PECR: variants seen among roughly 807,000 people sequenced by gnomAD.
The protein encoded by PECR is 2,4-dienoyl-CoA reductase-related protein.
PECR carries 30 observed loss-of-function variants against 35.3 expected under a neutral mutation model. That is an observed-to-expected ratio of 0.85 (90% CI 0.64 to 1.15). The LOEUF (loss-of-function observed/expected upper bound fraction) is 1.15, where lower values mean the gene tolerates loss of function less well. Ranked by LOEUF, PECR falls within the 50% of genes most tolerant of loss-of-function variation. The probability of loss-of-function intolerance (pLI) is 0.00; values close to 1 mark genes in which losing one functional copy is unlikely to be tolerated. For missense variants in PECR, 392 were observed against 370.8 expected, an observed-to-expected ratio of 1.06 and a Z score of -0.47; for synonymous variants, 148 against 138.9, an observed-to-expected ratio of 1.07 and a Z score of -0.46.
chr2:216,072,090 G>GT (rs1695601027), intron 1 of PECR, among the ~76,000 whole-genome samples: 3 of 152,168 alleles, frequency 2.0e-5, no homozygotes, highest in Admixed American at 2.0e-4. Flanking sequence ...GATTGCAGTG[G>GT]TTTTTCAGTG....
At chr2:216,032,325 ATTTG>A (rs1016952964) in intron 7 of PECR, among the ~76,000 whole-genome samples, 15 of 152,196 alleles carry the variant, frequency 9.9e-5, no homozygotes, top group African/African-American at 2.9e-4. Flanking sequence ...TACTTTGCTG[ATTTG>A]TTTGAGTTTT....
downstream of PECR, among the ~76,000 whole-genome samples, chr2:216,036,826 T>C (rs1694801321): frequency 6.6e-6 from 1 of 152,210 alleles, no homozygotes; most frequent in South Asian, 2.1e-4. Context: ...TCAGAGGACC[T>C]GAACATAAGC....
At chr2:216,067,507 T>C (rs1469078957) in intron 1 of PECR, among the ~76,000 whole-genome samples, 2 of 152,138 alleles carry the variant, frequency 1.3e-5, no homozygotes, top group East Asian at 1.9e-4. Context: ...TGTTTTCAAG[T>C]GACCTAACTG....
intron 4 of PECR, among the ~76,000 whole-genome samples, chr2:216,055,493 T>C (rs911071011): frequency 6.6e-6 from 1 of 150,618 alleles, no homozygotes; most frequent in Admixed American, 6.6e-5. Flanking sequence ...ACACTTGTAA[T>C]AGGACTAAAC....
chr2:216,081,052 T>C (rs1431067176), intron 1 of PECR, among the ~76,000 whole-genome samples: 1 of 152,220 alleles, frequency 6.6e-6, no homozygotes, highest in Non-Finnish European at 1.5e-5. Flanking sequence ...TTAAACTTTA[T>C]ATATTTTTTT....
chr2:216,053,265 T>C (rs967309006), intron 4 of PECR, among the ~76,000 whole-genome samples: 1 of 148,158 alleles, frequency 6.7e-6, no homozygotes, highest in African/African-American at 2.5e-5. Flanking sequence ...TGTTTTGAGA[T>C]GGGAGTCTCA....
At position 216,043,198 on chromosome 2, in the gene PECR, C is replaced by G. The variant is rs189345850; in HGVS notation, c.826+706G>C. Among the ~76,000 whole-genome samples, 1,234 of 151,630 alleles carry G rather than the reference C, an allele frequency of 8.1e-3. 23 individuals are homozygous for G. The highest frequency in any genetic ancestry group is 0.028 in the African/African-American group (1,162 of 41,246). ...TCTCGGCTCACTGCAACCTCCGCCT[C>G]CCGGGTTCACACCATTCTCCTGCCT... On this transcript the variant is annotated intron_variant, in intron 7 of 7. Transcript: ENST00000265322.
chr2:216,036,400 T>C (rs1426518168), downstream of PECR, among the ~76,000 whole-genome samples: 4 of 152,244 alleles, frequency 2.6e-5, no homozygotes, highest in Non-Finnish European at 5.9e-5. Flanking sequence ...CTGGAAATCC[T>C]GGTGCCAAAG....
Position 216,065,458 on chromosome 2 carries a change from G to T in PECR, c.278C>A (p.Ser93Tyr). 6.2e-7 allele frequency: 1 copy of T among 1,603,168 alleles called. No individual in the cohort carries two copies. The highest frequency in any genetic ancestry group is 8.5e-7 in the Non-Finnish European group (1 of 1,170,030). ...NEEEVNNLVKSTLDTFGKINF... is the reference protein window; with the variant it reads ...NEEEVNNLVKYTLDTFGKINF... ...GATCTTACCAAAAGTATCTAAGGTA[G>T]ATTTGACCAAATTATTCACCTAAAG... Residue 93 changes from serine to tyrosine, a missense_variant, in exon 3 of 8, where the codon TCT (serine) becomes TAT (tyrosine). Ser to Tyr is a moderately radical substitution (Grantham distance 144, BLOSUM62 -2). Coordinates refer to ENST00000265322, the MANE Select transcript of PECR (RefSeq NM_018441.6).
chr2:216,059,794 C>T (rs185764814), intron 3 of PECR, among the ~76,000 whole-genome samples: 61 of 152,260 alleles, frequency 4.0e-4, no homozygotes, highest in African/African-American at 1.4e-3. Context: ...ATGTCAGTAC[C>T]ACACTGTCTT....
In PECR at chr2:216,039,081, T is replaced by A. The variant is rs1694844882; in HGVS notation, c.*194A>T. ...TTTCTGTTACTTATACATTTTTAAA[T>A]CATAGGTTAAAAGACTCTGATTGGG... On this transcript the variant is annotated 3_prime_UTR_variant, in exon 8 of 8. Coordinates refer to ENST00000265322, the MANE Select transcript of PECR (RefSeq NM_018441.6). 5 of 463,718 alleles carry A rather than the reference T, an allele frequency of 1.1e-5. No individual in the cohort carries two copies. Among genetic ancestry groups the A allele is most frequent in the East Asian group, 7.2e-5 (2 of 27,850 alleles). 28.7% of individuals were successfully genotyped at this position (463,718 alleles called of 1,614,324 possible).
intron 1 of PECR, among the ~76,000 whole-genome samples, chr2:216,076,187 A>C (rs1695692375): frequency 1.3e-5 from 2 of 152,154 alleles, no homozygotes; most frequent in Non-Finnish European, 2.9e-5. Flanking sequence ...AATGTTAGCC[A>C]ATTTTTTTCT....
chr2:216,035,488 C>CT (rs535525763), downstream of PECR, among the ~76,000 whole-genome samples: 19,116 of 127,760 alleles, frequency 0.15, 1,587 homozygotes, highest in African/African-American at 0.24. Context: ...GAGGGCTCTT[C>CT]TTTTTTTTTT....
rs1271615608 is a variant in PECR, at chr2:216,065,111, A to C, written c.424+201T>G. The C allele has an allele frequency of 1.0e-5, 6 of 598,756 alleles. No individual in the cohort carries two copies. In the African/African-American group the frequency reaches 1.1e-4, roughly 11 times the overall value. 37.1% of individuals were successfully genotyped at this position (598,756 alleles called of 1,614,324 possible). The stretch of plus-strand genomic sequence containing the variant: ...TTCTCATAATAAATTCCAAGAAATA[A>C]AATGATGAGATTGAAGGATATCCAC... On this transcript the variant is annotated intron_variant, in intron 3 of 7. Transcript: ENST00000265322.
intron 6 of PECR, among the ~76,000 whole-genome samples, chr2:216,046,370 G>A (rs1694997284): frequency 7.0e-6 from 1 of 142,024 alleles, no homozygotes; most frequent in Non-Finnish European, 1.5e-5. Context: ...GAGTGCAGTG[G>A]CGCAATCTCT....
intron 6 of PECR, among the ~76,000 whole-genome samples, chr2:216,048,215 C>T (rs1695033267): frequency 1.3e-5 from 2 of 151,846 alleles, no homozygotes. Flanking sequence ...GCTGGGACTA[C>T]AGGTGTCCGC....
chr2:216,069,502 G>A (rs749926110), intron 1 of PECR, among the ~76,000 whole-genome samples: 2 of 152,170 alleles, frequency 1.3e-5, no homozygotes, highest in Admixed American at 1.3e-4. Context: ...AGGGGAATGC[G>A]TGACACTGCT....
chr2:216,061,898 A>C (rs1695361458), intron 3 of PECR, among the ~76,000 whole-genome samples: 1 of 152,088 alleles, frequency 6.6e-6, no homozygotes, highest in African/African-American at 2.4e-5. Context: ...TATTTAAGAG[A>C]TATATAAACA....
intron 7 of PECR, among the ~76,000 whole-genome samples, chr2:216,042,779 CAG>C (rs537652932): frequency 5.5e-4 from 83 of 151,614 alleles, no homozygotes; most frequent in African/African-American, 1.9e-3. Flanking sequence ...TTTCTTGAGA[CAG>C]AGTCTTGGTT....
Sources: gnomAD v4.1 joint callset for allele counts (sites outside exome capture counted in the v4.1 genomes callset) on GRCh38, gnomAD v4.1.1 for gene constraint, MANE v1.5 for transcripts, NCBI Gene and HGNC (gene_info 2026-07-23, HGNC 2026-07-21) for gene names.